The following AGBL4 variants were observed in gnomAD, a reference collection of about 807,000 sequenced individuals.
The protein encoded by AGBL4 is cytosolic carboxypeptidase 6.
In AGBL4, 58 loss-of-function variants were observed where a neutral mutation model predicts 66.4. The ratio of observed to expected loss-of-function variants is 0.87; its 90% CI spans 0.71 to 1.09. The LOEUF is 1.09. AGBL4 is among the 50% of genes least tolerant of loss of function. AGBL4 has a pLI of 0.00. For missense variants in AGBL4, 579 were observed against 631.0 expected (o/e 0.92, Z 0.88); for synonymous variants, 234 against 222.9 (o/e 1.05, Z -0.44).
chr1:48,798,955 G>A (rs1645751698), intron 6 of AGBL4, among the ~76,000 whole-genome samples: 1 of 152,130 alleles, frequency 6.6e-6, no homozygotes, highest in Admixed American at 6.5e-5. Flanking sequence ...GTAATGTGAT[G>A]CCTCCAGATT....
At chr1:49,815,931 C>T (rs1443435502) in intron 2 of AGBL4, among the ~76,000 whole-genome samples, 2 of 151,950 alleles carry the variant, frequency 1.3e-5, no homozygotes, top group East Asian at 3.9e-4. Context: ...TACTCTGTTG[C>T]CCAGGATGGA....
rs571562028 is a variant in AGBL4, at chr1:49,427,913, G to T, written c.283-182049C>A. Among the ~76,000 whole-genome samples, 3 of 152,224 alleles carry T rather than the reference G, an allele frequency of 2.0e-5. No homozygotes were observed. The South Asian group carries it at 6.2e-4, about 32-fold the overall frequency. On this transcript the variant is annotated intron_variant, in intron 3 of 13. Transcript: ENST00000371839. ...TGGTGCATTTACAAACCTTTAGCTA[G>T]ACACAGTGCTGATTGGTGCATTTTT... is the stretch of plus-strand genomic sequence containing the variant.
At chr1:48,882,879 G>T (rs1342805128) in intron 5 of AGBL4, among the ~76,000 whole-genome samples, 1 of 152,054 alleles carries the variant, frequency 6.6e-6, no homozygotes, top group Admixed American at 6.5e-5. Flanking sequence ...TTGTATTTCT[G>T]TGCCTGGCTT....
At chr1:49,376,425 A>G (rs1202930166) in intron 3 of AGBL4, among the ~76,000 whole-genome samples, 1 of 151,988 alleles carries the variant, frequency 6.6e-6, no homozygotes, top group Non-Finnish European at 1.5e-5. Context: ...AAGAGGTAGG[A>G]TACTTATTCT....
At chr1:49,967,346 A>G (rs1219647548) in intron 1 of AGBL4, among the ~76,000 whole-genome samples, 1 of 152,236 alleles carries the variant, frequency 6.6e-6, no homozygotes, top group Non-Finnish European at 1.5e-5. Flanking sequence ...AAAAAGGATG[A>G]GTTCATTTCC....
At chr1:49,300,141 C>T (rs1267902170) in intron 3 of AGBL4, among the ~76,000 whole-genome samples, 2 of 152,126 alleles carry the variant, frequency 1.3e-5, no homozygotes, top group Non-Finnish European at 2.9e-5. Flanking sequence ...TGTTATTCTA[C>T]CAACCATCCT....
chr1:48,839,120 G>T (rs536032792), intron 6 of AGBL4, among the ~76,000 whole-genome samples: 2 of 152,034 alleles, frequency 1.3e-5, no homozygotes, highest in Non-Finnish European at 2.9e-5. Flanking sequence ...CAGTAAGGAG[G>T]TTCTTCAAGA....
chr1:48,785,643 A>C (rs947352214), intron 6 of AGBL4, among the ~76,000 whole-genome samples: 2 of 152,360 alleles, frequency 1.3e-5, no homozygotes, highest in East Asian at 1.9e-4. Flanking sequence ...TCAAGTTGAC[A>C]GTCACACATG....
chr1:49,845,951 A>G, intron 2 of AGBL4: 5 of 1,532,784 alleles, frequency 3.3e-6, no homozygotes, highest in Non-Finnish European at 4.5e-6. Context: ...ATTCAGCCAC[A>G]GCTTGTCCCT....
chr1:49,256,645 G>T (rs1652530427), intron 3 of AGBL4, among the ~76,000 whole-genome samples: 1 of 152,172 alleles, frequency 6.6e-6, no homozygotes, highest in Non-Finnish European at 1.5e-5. Context: ...GTGTGTTTAT[G>T]CATGTAAAAG....
chr1:49,848,656 AG>A (rs1173045744), intron 2 of AGBL4, among the ~76,000 whole-genome samples: 1 of 152,202 alleles, frequency 6.6e-6, no homozygotes, highest in Non-Finnish European at 1.5e-5. Context: ...GAGACTCAGA[AG>A]GGTAGGAGGG....
intron 3 of AGBL4, among the ~76,000 whole-genome samples, chr1:49,695,067 T>C (rs1010441790): frequency 3.9e-5 from 6 of 152,052 alleles, no homozygotes; most frequent in African/African-American, 1.4e-4. Flanking sequence ...GAAAAGTAAT[T>C]GGCCCCACTT....
intron 6 of AGBL4, among the ~76,000 whole-genome samples, chr1:48,740,867 C>A (rs1649811672): frequency 6.6e-6 from 1 of 152,192 alleles, no homozygotes; most frequent in Non-Finnish European, 1.5e-5. Context: ...TTCCTTTCCT[C>A]TGCATTTAAA....
intron 1 of AGBL4, among the ~76,000 whole-genome samples, chr1:49,897,995 T>G (rs1268246659): frequency 6.6e-6 from 1 of 151,378 alleles, no homozygotes; most frequent in Admixed American, 6.6e-5. Context: ...TCTAAGACTT[T>G]GAAATTATGA....
chr1:49,748,206 C>T (rs1159556864), intron 2 of AGBL4, among the ~76,000 whole-genome samples: 1 of 152,098 alleles, frequency 6.6e-6, no homozygotes, highest in Non-Finnish European at 1.5e-5. Context: ...GTTCCCCTCC[C>T]TGTGCCCATA....
intron 6 of AGBL4, among the ~76,000 whole-genome samples, chr1:48,702,025 T>A (rs1646810150): frequency 1.3e-5 from 2 of 152,164 alleles, no homozygotes; most frequent in Admixed American, 6.5e-5. Context: ...AAAATGACAA[T>A]AGTCATATGA....
At chr1:49,742,284 G>A (rs1417067776) in intron 2 of AGBL4, among the ~76,000 whole-genome samples, 3 of 150,798 alleles carry the variant, frequency 2.0e-5, no homozygotes, top group African/African-American at 4.9e-5. Flanking sequence ...CAAATCATGA[G>A]TGAACTCCCA....
chr1:49,019,641 T>C (rs978312752), intron 5 of AGBL4, among the ~76,000 whole-genome samples: 1 of 152,230 alleles, frequency 6.6e-6, no homozygotes, highest in Non-Finnish European at 1.5e-5. Context: ...GTCTTCAGGA[T>C]AACAAAAACA....
At chr1:49,297,998 G>A (rs1438637644) in intron 3 of AGBL4, among the ~76,000 whole-genome samples, 2 of 152,172 alleles carry the variant, frequency 1.3e-5, no homozygotes, top group African/African-American at 2.4e-5. Flanking sequence ...AGGCTGCTGT[G>A]TAGGCAGGAA....
Sources: allele counts gnomAD v4.1 joint callset (sites outside exome capture counted in the v4.1 genomes callset), GRCh38; gene constraint gnomAD v4.1.1; transcripts MANE v1.5; gene names NCBI Gene and HGNC (gene_info 2026-07-23, HGNC 2026-07-21).